MACROD2: variants seen among roughly 807,000 people sequenced by gnomAD.
MACROD2 encodes ADP-ribose glycohydrolase MACROD2.
MACROD2 carries 36 observed loss-of-function variants against 70.4 expected under a neutral mutation model. That is an observed-to-expected ratio of 0.51 (90% CI 0.39 to 0.68). The LOEUF is 0.68. Among genes scored for constraint, MACROD2 ranks in the 30% least tolerant of loss-of-function variants. MACROD2 has a pLI of 0.00. For synonymous variants in MACROD2, 172 were observed against 178.8 expected, an observed-to-expected ratio of 0.96 and a Z score of 0.30; for missense variants, 496 against 538.4, an observed-to-expected ratio of 0.92 and a Z score of 0.78.
chr20:14,854,536 T>G (rs1272772219), intron 5 of MACROD2, among the ~76,000 whole-genome samples: 5 of 152,148 alleles, frequency 3.3e-5, no homozygotes, highest in Admixed American at 2.0e-4. Flanking sequence ...ATGCCACAAC[T>G]TGGGCTTATG....
At chr20:15,326,451 A>G in intron 6 of MACROD2, among the ~76,000 whole-genome samples, 1 of 152,142 alleles carries the variant, frequency 6.6e-6, no homozygotes, top group East Asian at 1.9e-4. Context: ...TTTAAATTTT[A>G]AAAATATGAA....
At chr20:14,365,362 T>C (rs1005390864) in intron 3 of MACROD2, among the ~76,000 whole-genome samples, 8 of 151,422 alleles carry the variant, frequency 5.3e-5, no homozygotes, top group African/African-American at 1.9e-4. Context: ...ATAATGTTCA[T>C]AAATAACATA....
At chr20:14,839,514 G>A (rs1055010924) in intron 5 of MACROD2, among the ~76,000 whole-genome samples, 4 of 152,084 alleles carry the variant, frequency 2.6e-5, no homozygotes, top group African/African-American at 9.7e-5. Flanking sequence ...TGGGTCACTT[G>A]AGGTTTCCCA....
chr20:14,972,158 G>A (rs1162122589), intron 5 of MACROD2, among the ~76,000 whole-genome samples: 1 of 152,218 alleles, frequency 6.6e-6, no homozygotes, highest in African/African-American at 2.4e-5. Flanking sequence ...GAAAATGCCA[G>A]GCCATTAGGG....
chr20:15,944,447 GT>G (rs5840691), intron 12 of MACROD2, among the ~76,000 whole-genome samples: 92,216 of 151,794 alleles, frequency 0.61, 29,766 homozygotes, highest in Non-Finnish European at 0.72. Flanking sequence ...ATGCATAAAA[GT>G]TTGAACCTGT....
At chr20:14,626,070 C>T (rs974201914) in intron 4 of MACROD2, among the ~76,000 whole-genome samples, 4 of 152,080 alleles carry the variant, frequency 2.6e-5, no homozygotes, top group African/African-American at 4.8e-5. Flanking sequence ...GTGATCTGCC[C>T]GCCTCAGCCT....
At chr20:14,782,139 G>C (rs1282446895) in intron 5 of MACROD2, among the ~76,000 whole-genome samples, 2 of 151,908 alleles carry the variant, frequency 1.3e-5, no homozygotes, top group Non-Finnish European at 2.9e-5. Flanking sequence ...GGCCAGGCTG[G>C]TCTTGAACTC....
At chr20:15,173,074 G>A (rs560304921) in intron 5 of MACROD2, among the ~76,000 whole-genome samples, 9 of 152,112 alleles carry the variant, frequency 5.9e-5, no homozygotes, top group African/African-American at 1.7e-4. Context: ...GTTTGTGTGG[G>A]TCTGTGTGTT....
chr20:14,712,114 G>A (rs1318475930), intron 5 of MACROD2, among the ~76,000 whole-genome samples: 2 of 151,928 alleles, frequency 1.3e-5, no homozygotes, highest in Non-Finnish European at 2.9e-5. Flanking sequence ...AATTTTGAGG[G>A]TTTTATTTTT....
Position 14,291,782 on chromosome 20 carries a change from GTC to G in MACROD2, c.272-201692_272-201691del, listed in dbSNP as rs1203713861. Among the ~76,000 whole-genome samples, 18 of 151,984 alleles carry G rather than the reference GTC, an allele frequency of 1.2e-4. 1 individual carries two copies. Among genetic ancestry groups the G allele is most frequent in the Admixed American group, 1.2e-3 (18 of 15,276 alleles). The stretch of plus-strand genomic sequence containing the variant: ...CCACTTAATACCCTGAATAAAGCTT[GTC>G]TCTCATATTTTAGGAATGTACTTTT... On this transcript the variant is annotated intron_variant, in intron 3 of 17. Coordinates refer to ENST00000684519, the MANE Select transcript of MACROD2 (RefSeq NM_001351661.2).
chr20:15,893,943 G>A (rs1029101220), intron 10 of MACROD2: 13 of 456,598 alleles, frequency 2.8e-5, no homozygotes, highest in Admixed American at 2.3e-4. Context: ...AGTCTGCAGT[G>A]CAGTCTGGAA....
chr20:14,182,758 G>T (rs1345563983), intron 3 of MACROD2, among the ~76,000 whole-genome samples: 1 of 151,540 alleles, frequency 6.6e-6, no homozygotes, highest in African/African-American at 2.4e-5. Flanking sequence ...TTTTTCTCCC[G>T]GGTCACTTTC....
chr20:15,897,746 TTTAA>T (rs774297361), intron 10 of MACROD2, among the ~76,000 whole-genome samples: 2 of 152,336 alleles, frequency 1.3e-5, no homozygotes, highest in East Asian at 3.9e-4. Flanking sequence ...CCATTTTTTA[TTTAA>T]TTAACACATA....
chr20:14,628,654 A>T (rs1207588796), intron 4 of MACROD2: 1 of 152,186 alleles, frequency 6.6e-6, no homozygotes, highest in Admixed American at 6.5e-5. Flanking sequence ...GAGATGTCCT[A>T]AGACAATTGG....
intron 4 of MACROD2, among the ~76,000 whole-genome samples, chr20:14,573,144 T>C (rs1268541834): frequency 2.0e-5 from 3 of 152,082 alleles, no homozygotes; most frequent in Non-Finnish European, 4.4e-5. Context: ...TATCATTAGA[T>C]CATATTTGAG....
intron 3 of MACROD2, among the ~76,000 whole-genome samples, chr20:14,203,653 A>G (rs1159073550): frequency 6.6e-6 from 1 of 152,174 alleles, no homozygotes; most frequent in Non-Finnish European, 1.5e-5. Context: ...TTTAGCTGTA[A>G]TCAGTGTCAA....
chr20:15,770,619 C>T (rs1189774788), intron 8 of MACROD2, among the ~76,000 whole-genome samples: 1 of 152,056 alleles, frequency 6.6e-6, no homozygotes, highest in Admixed American at 6.5e-5. Flanking sequence ...TCTATTGGCA[C>T]AATAATGCTG....
At chr20:14,175,308 G>A (rs1317445217) in intron 3 of MACROD2, among the ~76,000 whole-genome samples, 1 of 152,060 alleles carries the variant, frequency 6.6e-6, no homozygotes. Flanking sequence ...TCTTAAATAG[G>A]ACCTATGACT....
chr20:14,748,611 T>TATCA (rs2071829989), intron 5 of MACROD2, among the ~76,000 whole-genome samples: 1 of 152,166 alleles, frequency 6.6e-6, no homozygotes, highest in East Asian at 1.9e-4. Context: ...GACTTAAATG[T>TATCA]ATCATTGCTT....
Sources: allele counts gnomAD v4.1 joint callset (sites outside exome capture counted in the v4.1 genomes callset), GRCh38; gene constraint gnomAD v4.1.1; transcripts MANE v1.5; gene names NCBI Gene and HGNC (gene_info 2026-07-23, HGNC 2026-07-21).